Variants in SCARB1 observed in about 807,000 individuals in gnomAD.
The protein encoded by SCARB1 is scavenger receptor class B member 1, also known as CD36 and LIMPII analogous 1.
In SCARB1, 30 loss-of-function variants were observed where a neutral mutation model predicts 57.2. The observed-to-expected ratio is 0.52, with a 90% CI of 0.39 to 0.71. SCARB1 has a LOEUF of 0.71. Among genes scored for constraint, SCARB1 ranks in the 30% least tolerant of loss-of-function variants. The probability of loss-of-function intolerance (pLI) is 0.00; values close to 1 mark genes in which losing one functional copy is unlikely to be tolerated. For missense variants in SCARB1, 543 were observed against 671.2 expected, an observed-to-expected ratio of 0.81 and a Z score of 2.11; for synonymous variants, 249 against 268.3, an observed-to-expected ratio of 0.93 and a Z score of 0.70.
intron 1 of SCARB1, among the ~76,000 whole-genome samples, chr12:124,839,067 G>A (rs1220484664): frequency 2.0e-5 from 3 of 151,976 alleles, no homozygotes; most frequent in Non-Finnish European, 4.4e-5. Flanking sequence ...GCCACTACAC[G>A]CCCAGCCCAA....
In SCARB1 at chr12:124,839,721, C is replaced by A. The variant is rs796882806; in HGVS notation, c.127-22014G>T. ...CACATGGGCCCCGATTTCTCCGCACCCTCACCCCAACGGCACACATGGGCC... is the reference window on the plus strand; with the variant it reads ...CACATGGGCCCCGATTTCTCCGCACACTCACCCCAACGGCACACATGGGCC... On this transcript the variant is annotated intron_variant, in intron 1 of 12. Coordinates refer to ENST00000261693, the MANE Select transcript of SCARB1 (RefSeq NM_005505.5). The A allele has an allele frequency of 2.2e-3, 220 of 99,866 alleles. 50 individuals carry two copies. Among genetic ancestry groups the A allele is most frequent in the East Asian group, 0.021 (48 of 2,258 alleles). The allele number at this position is 99,866 out of a possible 1,614,324, so 6.2% of individuals were successfully genotyped here.
At chr12:124,837,520 A>G (rs1447388201) in intron 1 of SCARB1, among the ~76,000 whole-genome samples, 9,724 of 115,694 alleles carry the variant, frequency 0.084, 910 homozygotes, top group African/African-American at 0.19. Context: ...AAAAGAAAAG[A>G]AAGGAAAGAA....
intron 11 of SCARB1, 151 bp downstream of exon 11, chr12:124,786,206 A>C (rs748551486): frequency 1.3e-6 from 2 of 1,596,766 alleles, no homozygotes; most frequent in South Asian, 1.1e-5. Context: ...AGCCCCCAGC[A>C]GTGACCGCTC....
chr12:124,849,421 A>G (rs150022608), intron 1 of SCARB1, among the ~76,000 whole-genome samples: 2,392 of 152,190 alleles, frequency 0.016, 61 homozygotes, highest in African/African-American at 0.054. Context: ...TATCTCCCCA[A>G]CTTTTTAAAA....
intron 9 of SCARB1, among the ~76,000 whole-genome samples, chr12:124,793,855 C>CATTT (rs1949827503): frequency 3.3e-5 from 5 of 152,164 alleles, no homozygotes; most frequent in Non-Finnish European, 7.3e-5. Flanking sequence ...CTGGGACTGA[C>CATTT]ACAAGAACAT....
chr12:124,792,894 TG>T (rs1949782258), intron 9 of SCARB1, among the ~76,000 whole-genome samples: 1 of 144,224 alleles, frequency 6.9e-6, no homozygotes, highest in South Asian at 2.3e-4. Context: ...GGGAAGGGGC[TG>T]TATCCTCGGC....
At chr12:124,842,883 C>T (rs923285108) in intron 1 of SCARB1, among the ~76,000 whole-genome samples, 1 of 152,240 alleles carries the variant, frequency 6.6e-6, no homozygotes, top group Non-Finnish European at 1.5e-5. Context: ...CCAAGATCCA[C>T]CTAGGTGCCC....
rs575761730 is a variant in SCARB1 at position 124,834,914 on chromosome 12, C to A, written c.127-17207G>T. ...CAGAGCAAGACCCTGTCCACCCCCC[C>A]AAAAAAAAGGCGGTCTCCAAACCAG... On this transcript the variant is annotated intron_variant, in intron 1 of 12. Transcript: ENST00000261693. Among the ~76,000 whole-genome samples, 457 of 151,882 alleles carry A rather than the reference C, an allele frequency of 3.0e-3. 5 individuals carry two copies. The highest frequency in any genetic ancestry group is 7.7e-3 in the African/African-American group (318 of 41,432).
chr12:124,810,484 T>C lies in SCARB1; in HGVS notation c.727-195A>G, dbSNP rs1180794942. 1.3e-5 allele frequency among the ~76,000 whole-genome samples: 2 copies of C among 152,176 alleles called. No homozygotes were observed. Among genetic ancestry groups the C allele is most frequent in the East Asian group, 3.9e-4 (2 of 5,192 alleles). On this transcript the variant is annotated intron_variant, in intron 5 of 12. Coordinates refer to ENST00000261693, the MANE Select transcript of SCARB1 (RefSeq NM_005505.5). The surrounding 1 kb of genome is among the most constrained non-coding windows in gnomAD (Gnocchi z 4.0). ...CCACAGCTTCCCCCTCCCAGACCCC[T>C]GAATGTGTAACTTCGCTAGGGACTC...
At chr12:124,848,812 C>T (rs773325537) in intron 1 of SCARB1, among the ~76,000 whole-genome samples, 4 of 152,114 alleles carry the variant, frequency 2.6e-5, no homozygotes, top group South Asian at 2.1e-4. Flanking sequence ...TGACTGAGGA[C>T]GACATGGACA....
At chr12:124,853,579 G>A (rs553600917) in intron 1 of SCARB1, among the ~76,000 whole-genome samples, 18 of 152,200 alleles carry the variant, frequency 1.2e-4, no homozygotes, top group African/African-American at 4.1e-4. Context: ...ATTTTTAGTA[G>A]AGATGAGGTT....
chr12:124,785,872 G>A (rs1949492515), intron 11 of SCARB1: 5 of 583,422 alleles, frequency 8.6e-6, no homozygotes, highest in East Asian at 2.9e-5. Context: ...TTTCTATTTG[G>A]CTCTAACCCC....
chr12:124,805,891 C>G (rs838906), intron 7 of SCARB1, among the ~76,000 whole-genome samples: 26,276 of 151,838 alleles, frequency 0.17, 4,563 homozygotes, highest in East Asian at 0.5. Flanking sequence ...AAGATCCCTC[C>G]GCTGCTGTCG....
At chr12:124,829,489 G>A (rs1951298486) in intron 1 of SCARB1, among the ~76,000 whole-genome samples, 1 of 152,158 alleles carries the variant, frequency 6.6e-6, no homozygotes, top group African/African-American at 2.4e-5. Context: ...TGACCTATGA[G>A]GTCTTGCACA....
At chr12:124,853,390 G>GGT (rs1952501512) in intron 1 of SCARB1, among the ~76,000 whole-genome samples, 4 of 122,550 alleles carry the variant, frequency 3.3e-5, no homozygotes, top group African/African-American at 9.1e-5. Context: ...GCATAGTTTT[G>GGT]TTTTTTTTTT....
At chr12:124,815,249 G>A (rs1950665951) in intron 2 of SCARB1, 135 bp from the exon 3 acceptor site, 3 of 1,016,860 alleles carry the variant, frequency 3.0e-6, no homozygotes, top group Non-Finnish European at 1.5e-6. Context: ...AGCCAAAGCT[G>A]AGCTCGGCCC....
intron 1 of SCARB1, among the ~76,000 whole-genome samples, chr12:124,861,319 T>C (rs563051712): frequency 6.6e-6 from 1 of 152,348 alleles, no homozygotes; most frequent in Non-Finnish European, 1.5e-5. Context: ...ATAGTTGTTA[T>C]ACAGTATTGT....
chr12:124,778,544 G>C lies in SCARB1; in HGVS notation c.*43C>G. Reference sequence around the variant, plus strand: ...GTGTAGGGGCTGGGGGGCCGGTCAGGCCCAGCGGCCAGGCCTGGCTGGCTC... The same window carrying C: ...GTGTAGGGGCTGGGGGGCCGGTCAGCCCCAGCGGCCAGGCCTGGCTGGCTC... On this transcript the variant is annotated 3_prime_UTR_variant, in exon 13 of 13. Transcript: ENST00000261693. The C allele has an allele frequency of 7.2e-7, 1 of 1,381,436 alleles. No individual in the cohort carries two copies. The highest frequency in any genetic ancestry group is 9.4e-7 in the Non-Finnish European group (1 of 1,066,480). 85.6% of individuals were successfully genotyped at this position (1,381,436 alleles called of 1,614,324 possible). A position where few individuals can be genotyped will look rare whatever the true frequency, so the allele number is the denominator to read the frequency against.
intron 2 of SCARB1, 126 bp from the exon 3 acceptor site, chr12:124,815,240 G>T: frequency 9.1e-7 from 1 of 1,100,090 alleles, no homozygotes; most frequent in Non-Finnish European, 1.3e-6. Context: ...CGGCCCCACA[G>T]CCAAAGCTGA....
Sources: gnomAD v4.1 joint callset for allele counts (sites outside exome capture counted in the v4.1 genomes callset) on GRCh38, gnomAD v4.1.1 for gene constraint, Gnocchi (gnomAD v3.1) non-coding constraint, MANE v1.5 for transcripts, NCBI Gene and HGNC (gene_info 2026-07-23, HGNC 2026-07-21) for gene names.